The following SLMAP variants were observed in gnomAD, a reference collection of about 807,000 sequenced individuals.
SLMAP encodes sarcolemma associated protein.
A neutral mutation model predicts 128.8 loss-of-function variants in SLMAP; 44 were observed. The ratio of observed to expected loss-of-function variants is 0.34; its 90% CI spans 0.27 to 0.44. SLMAP has a LOEUF of 0.44. Among genes scored for constraint, SLMAP ranks in the 20% least tolerant of loss-of-function variants. The probability of loss-of-function intolerance (pLI) is 1.00; values close to 1 mark genes in which losing one functional copy is unlikely to be tolerated. For missense variants in SLMAP, 787 were observed against 985.3 expected (o/e 0.80, Z 2.69); for synonymous variants, 327 against 348.8 (o/e 0.94, Z 0.70).
At position 57,853,504 on chromosome 3, in the gene SLMAP, G is replaced by A. The variant is rs562956936; in HGVS notation, c.519+3688G>A. On this transcript the variant is annotated intron_variant, in intron 6 of 24. Coordinates refer to ENST00000671191, the MANE Select transcript of SLMAP (RefSeq NM_001377540.1). ...CTGGATAATGACAGGAATAGAACAAGGTGAAGAAGGTATGCCAAAACCACA... is the reference window on the plus strand; with the variant it reads ...CTGGATAATGACAGGAATAGAACAAAGTGAAGAAGGTATGCCAAAACCACA... Among the ~76,000 whole-genome samples, 10 of 152,224 alleles carry A rather than the reference G, an allele frequency of 6.6e-5. No individual in the cohort carries two copies. In the South Asian group the frequency reaches 2.1e-3, roughly 32 times the overall value.
intron 17 of SLMAP, among the ~76,000 whole-genome samples, chr3:57,904,203 C>T (rs1388231084): frequency 6.6e-6 from 1 of 152,170 alleles, no homozygotes; most frequent in Non-Finnish European, 1.5e-5. Flanking sequence ...CTTCTATGAT[C>T]AAACACTATA....
chr3:57,762,573 G>A (rs2078900795), intron 2 of SLMAP, among the ~76,000 whole-genome samples: 3 of 152,172 alleles, frequency 2.0e-5, no homozygotes, highest in Non-Finnish European at 2.9e-5. Flanking sequence ...ACAAAGCAGA[G>A]TTTCATAATC....
intron 9 of SLMAP, 66 bp downstream of exon 9, chr3:57,860,905 A>G: frequency 7.5e-7 from 1 of 1,325,180 alleles, no homozygotes; most frequent in Non-Finnish European, 1.0e-6. Context: ...CAAGCATTCC[A>G]GGATACTTTA....
intron 17 of SLMAP, chr3:57,899,411 C>T (rs892052272): frequency 6.6e-6 from 1 of 152,144 alleles, no homozygotes; most frequent in Non-Finnish European, 1.5e-5. Flanking sequence ...GTTTCCCTAA[C>T]CTTGCTTTAC....
At chr3:57,840,325 A>C (rs894130331) in intron 3 of SLMAP, among the ~76,000 whole-genome samples, 1 of 152,244 alleles carries the variant, frequency 6.6e-6, no homozygotes, top group Non-Finnish European at 1.5e-5. Flanking sequence ...TTACATGTAC[A>C]ATTCAGTGAG....
rs2095398315 is a variant in SLMAP at position 57,869,003 on chromosome 3, A to G, written c.1238-2633A>G. On this transcript the variant is annotated intron_variant, in intron 13 of 24. Transcript: ENST00000671191. ...AATATATATTATATATGTGTATTAT[A>G]TATAATATATATTATATGTGTATTA... 2.9e-5 allele frequency among the ~76,000 whole-genome samples: 4 copies of G among 138,988 alleles called. 1 individual carries two copies. The South Asian group carries it at 8.5e-4, about 30-fold the overall frequency. 91.2% of individuals were successfully genotyped at this position (138,988 alleles called of 152,430 possible).
At chr3:57,888,097 A>C (rs532937552) in intron 14 of SLMAP, among the ~76,000 whole-genome samples, 2 of 152,330 alleles carry the variant, frequency 1.3e-5, no homozygotes, top group East Asian at 3.9e-4. Flanking sequence ...TGTTATAAGA[A>C]AACAGAAAGA....
intron 14 of SLMAP, among the ~76,000 whole-genome samples, chr3:57,873,557 G>T (rs2095533352): frequency 6.6e-6 from 1 of 152,062 alleles, no homozygotes; most frequent in South Asian, 2.1e-4. Context: ...ATAAAGCAAA[G>T]ATTAGTACAT....
chr3:57,923,130 G>A, intron 23 of SLMAP, 107 bp downstream of exon 23: 1 of 1,003,592 alleles, frequency 1.0e-6, no homozygotes, highest in South Asian at 1.6e-5. Flanking sequence ...TGGTACAGAT[G>A]AAATAGGCTT....
At chr3:57,855,153 G>T (rs948604528) in intron 6 of SLMAP, among the ~76,000 whole-genome samples, 4 of 152,158 alleles carry the variant, frequency 2.6e-5, no homozygotes, top group African/African-American at 9.7e-5. Flanking sequence ...CGAGGCAGGA[G>T]GAACACTTGA....
intron 2 of SLMAP, among the ~76,000 whole-genome samples, chr3:57,824,105 A>G (rs1046796344): frequency 4.3e-4 from 66 of 152,342 alleles, no homozygotes; most frequent in Non-Finnish European, 7.9e-4. Context: ...AATGGGAAAC[A>G]TAGTACAGAG....
rs199977444 is a variant in SLMAP at position 57,847,207 on chromosome 3, G to C, written c.430G>C (p.Ala144Pro). The C allele has an allele frequency of 6.2e-7, 1 of 1,605,552 alleles. No homozygotes were observed. Among genetic ancestry groups the C allele is most frequent in the East Asian group, 2.2e-5 (1 of 44,504 alleles). Reference sequence around the variant, plus strand: ...AATTTTACTTTTCAGTGTCATCCATGCACCATTACCAAGTCCTGTTGACAA... The same window carrying C: ...AATTTTACTTTTCAGTGTCATCCATCCACCATTACCAAGTCCTGTTGACAA... ...EARLRSDVIH[A>P]PLPSPVDKVA... Residue 144 changes from alanine (A) to proline (P), a missense_variant, in exon 5 of 25, where the codon GCA (alanine) becomes CCA (proline). By Grantham distance (27) the Ala-to-Pro change is conservative. Around this residue, in one of 2 missense-constraint regions of SLMAP, gnomAD observed 715 missense variants for 843.6 expected, o/e 0.85. Coordinates refer to ENST00000671191, the MANE Select transcript of SLMAP (RefSeq NM_001377540.1).
intron 10 of SLMAP, among the ~76,000 whole-genome samples, chr3:57,863,235 G>C (rs2095171257): frequency 6.6e-6 from 1 of 152,060 alleles, no homozygotes; most frequent in Non-Finnish European, 1.5e-5. Flanking sequence ...AGATCATAGG[G>C]TAATGATAGG....
chr3:57,818,249 G>A (rs548446357), intron 2 of SLMAP, among the ~76,000 whole-genome samples: 14 of 152,206 alleles, frequency 9.2e-5, no homozygotes, highest in African/African-American at 2.4e-4. Context: ...TCCGCCTCCC[G>A]GGTTCAAGCG....
intron 2 of SLMAP, among the ~76,000 whole-genome samples, chr3:57,799,713 T>A (rs1248436112): frequency 6.6e-6 from 1 of 152,226 alleles, no homozygotes; most frequent in Non-Finnish European, 1.5e-5. Flanking sequence ...GTATTTTTTT[T>A]ATTGCACCAC....
At chr3:57,862,146 C>G (rs1203487189) in intron 10 of SLMAP, 60 bp downstream of exon 10, 1 of 1,386,606 alleles carries the variant, frequency 7.2e-7, no homozygotes. Context: ...CACTAGATAG[C>G]TTAAGATTTT....
At chr3:57,786,444 GA>G (rs2084120892) in intron 2 of SLMAP, among the ~76,000 whole-genome samples, 2 of 152,122 alleles carry the variant, frequency 1.3e-5, no homozygotes, top group Admixed American at 1.3e-4. Flanking sequence ...ATTGGTTAGG[GA>G]AGTATAATTA....
At chr3:57,809,564 A>T (rs2153510232) in intron 2 of SLMAP, among the ~76,000 whole-genome samples, 1 of 152,306 alleles carries the variant, frequency 6.6e-6, no homozygotes, top group South Asian at 2.1e-4. Context: ...GGAGGCAGAC[A>T]GGTTCCCGGG....
intron 14 of SLMAP, among the ~76,000 whole-genome samples, chr3:57,874,540 C>G (rs961741091): frequency 1.3e-5 from 2 of 151,656 alleles, no homozygotes; most frequent in African/African-American, 4.8e-5. Context: ...AGGCAACATA[C>G]TGAGACTCCG....
Sources: allele counts gnomAD v4.1 joint callset (sites outside exome capture counted in the v4.1 genomes callset), GRCh38; gene constraint gnomAD v4.1.1; regional missense constraint gnomAD v4.1.1; transcripts MANE v1.5; gene names NCBI Gene and HGNC (gene_info 2026-07-23, HGNC 2026-07-21).